Variants in EYA2 observed in about 807,000 individuals in gnomAD.
EYA2 encodes the protein protein phosphatase EYA2.
A neutral mutation model predicts 69.2 loss-of-function variants in EYA2; 31 were observed. The ratio of observed to expected loss-of-function variants is 0.45; its 90% CI spans 0.34 to 0.60. EYA2 has a LOEUF of 0.60. EYA2 is among the 20% of genes least tolerant of loss of function. The pLI, the probability that EYA2 is intolerant of heterozygous loss-of-function variation, is 0.02. For missense variants in EYA2, 622 were observed against 701.2 expected (o/e 0.89, Z 1.28); for synonymous variants, 257 against 279.4 (o/e 0.92, Z 0.80).
At chr20:47,071,392 C>T (rs2031310686) in intron 5 of EYA2, among the ~76,000 whole-genome samples, 2 of 152,132 alleles carry the variant, frequency 1.3e-5, no homozygotes, top group Admixed American at 6.5e-5. Context: ...ACTGAAACTA[C>T]CAAGTGCTGG....
At chr20:47,175,022 C>T (rs2034400013) in intron 12 of EYA2, among the ~76,000 whole-genome samples, 2 of 152,244 alleles carry the variant, frequency 1.3e-5, no homozygotes, top group South Asian at 4.1e-4. Context: ...GGTTGGCCGC[C>T]AGAGAGCATC....
intron 1 of EYA2, among the ~76,000 whole-genome samples, chr20:46,922,828 AAAT>A (rs1985239983): frequency 6.6e-6 from 1 of 152,158 alleles, no homozygotes; most frequent in South Asian, 2.1e-4. Context: ...TTTTAAGAGA[AAAT>A]AATAGTCACT....
At chr20:47,008,116 C>T (rs1340061655) in intron 4 of EYA2, among the ~76,000 whole-genome samples, 3 of 152,222 alleles carry the variant, frequency 2.0e-5, no homozygotes, top group Non-Finnish European at 4.4e-5. Flanking sequence ...GCAGAATTGA[C>T]AGGTCCTGTC....
intron 5 of EYA2, among the ~76,000 whole-genome samples, chr20:47,022,556 C>T (rs1295181314): frequency 3.9e-5 from 6 of 152,074 alleles, no homozygotes; most frequent in African/African-American, 4.8e-5. Context: ...TCAAGTGATC[C>T]GCCCACCTCA....
At chr20:46,911,063 T>C (rs1043370058) in intron 1 of EYA2, among the ~76,000 whole-genome samples, 1 of 152,210 alleles carries the variant, frequency 6.6e-6, no homozygotes, top group African/African-American at 2.4e-5. Flanking sequence ...CTAGAGTAGA[T>C]TTAAGACAGA....
chr20:46,909,162 A>T (rs1449064710), intron 1 of EYA2, among the ~76,000 whole-genome samples: 2 of 152,188 alleles, frequency 1.3e-5, no homozygotes, highest in East Asian at 3.9e-4. Flanking sequence ...GGGTTGATTT[A>T]AGAGTGGTGA....
At chr20:47,095,379 C>A (rs1254764458) in intron 8 of EYA2, among the ~76,000 whole-genome samples, 4 of 151,686 alleles carry the variant, frequency 2.6e-5, no homozygotes, top group Non-Finnish European at 4.4e-5. Context: ...TTGGGAATTT[C>A]ACAAAAAGAA....
intron 8 of EYA2, among the ~76,000 whole-genome samples, chr20:47,091,576 CAAAAAAAA>C (rs11313572): frequency 1.2e-5 from 1 of 83,260 alleles, no homozygotes. Flanking sequence ...CCATCTCTAC[CAAAAAAAA>C]AAAAAAAAAA....
Position 46,980,484 on chromosome 20 carries a change from GATAC to G in EYA2, c.-10-9513_-10-9510del, listed in dbSNP as rs1980760926. On this transcript the variant is annotated intron_variant, in intron 1 of 15. Coordinates refer to ENST00000327619, the MANE Select transcript of EYA2 (RefSeq NM_005244.5). ...ATTTTGTTTAGTTTTGTTTTTTATT[GATAC>G]ATAATAGATGGACATATTTTCAGGG... is the stretch of plus-strand genomic sequence containing the variant. 4.6e-5 allele frequency among the ~76,000 whole-genome samples: 7 copies of G among 152,110 alleles called. 1 individual carries two copies. Among genetic ancestry groups the G allele is most frequent in the African/African-American group, 1.4e-4 (6 of 41,482 alleles).
At chr20:46,895,460 A>C (rs755420901) in intron 1 of EYA2, among the ~76,000 whole-genome samples, 33 of 152,218 alleles carry the variant, frequency 2.2e-4, no homozygotes, top group Non-Finnish European at 3.4e-4. Flanking sequence ...TTGGGGCTGG[A>C]ACGGCCCGCT....
At chr20:47,048,693 C>A (rs1364947321) in intron 5 of EYA2, among the ~76,000 whole-genome samples, 1 of 152,196 alleles carries the variant, frequency 6.6e-6, no homozygotes, top group African/African-American at 2.4e-5. Context: ...GCCAAGATCA[C>A]GCCATTGCAT....
intron 1 of EYA2, chr20:46,978,519 G>A (rs1980602507): frequency 1.9e-6 from 1 of 531,206 alleles, no homozygotes; most frequent in South Asian, 1.4e-5. Flanking sequence ...CGAGAGAAAG[G>A]CCAGCGTGCT....
At chr20:47,004,872 T>G in intron 3 of EYA2, 70 bp from the exon 4 acceptor site, 3 of 1,607,062 alleles carry the variant, frequency 1.9e-6, no homozygotes, top group Non-Finnish European at 2.6e-6. Flanking sequence ...ATGGGGGTGT[T>G]GATATCAAGA....
At chr20:47,169,698 ATTC>A (rs2034280121) in intron 11 of EYA2, among the ~76,000 whole-genome samples, 1 of 152,116 alleles carries the variant, frequency 6.6e-6, no homozygotes, top group African/African-American at 2.4e-5. Flanking sequence ...TTTAGTATAT[ATTC>A]TTCAAAGATC....
chr20:47,166,601 A>G (rs1307394992), intron 10 of EYA2, among the ~76,000 whole-genome samples: 1 of 151,850 alleles, frequency 6.6e-6, no homozygotes, highest in Admixed American at 6.6e-5. Context: ...AGCCTTTGTA[A>G]GGAGGCAGCT....
intron 7 of EYA2, among the ~76,000 whole-genome samples, chr20:47,081,415 A>G (rs1037213273): frequency 6.6e-6 from 1 of 152,146 alleles, no homozygotes; most frequent in Non-Finnish European, 1.5e-5. Context: ...GTTGTACATC[A>G]TAAATATACA....
rs146302657 is a variant in EYA2, at chr20:46,960,564, G to A, written c.-10-29437G>A. 2.5e-3 allele frequency among the ~76,000 whole-genome samples: 381 copies of A among 152,218 alleles called. 2 individuals are homozygous for A. The highest frequency in any genetic ancestry group is 8.5e-3 in the African/African-American group (351 of 41,524). On this transcript the variant is annotated intron_variant, in intron 1 of 15. Transcript: ENST00000327619. ...CCCAAGGTCGTGTGGCTGGGCTCCC[G>A]TCGTCCAGCTCTTAAACCCTCTGCT...
intron 10 of EYA2, among the ~76,000 whole-genome samples, chr20:47,152,205 C>G (rs2033836140): frequency 6.6e-6 from 1 of 151,820 alleles, no homozygotes; most frequent in Non-Finnish European, 1.5e-5. Context: ...GTTCTGCAAC[C>G]TCAGCCGGGT....
chr20:47,055,153 AT>A (rs1568749081), intron 5 of EYA2, among the ~76,000 whole-genome samples: 1 of 152,170 alleles, frequency 6.6e-6, no homozygotes, highest in East Asian at 1.9e-4. Flanking sequence ...TGATGCACTG[AT>A]TGGTCCAGGC....
Sources: gnomAD v4.1 joint callset for allele counts (sites outside exome capture counted in the v4.1 genomes callset) on GRCh38, gnomAD v4.1.1 for gene constraint, MANE v1.5 for transcripts, NCBI Gene and HGNC (gene_info 2026-07-23, HGNC 2026-07-21) for gene names.